The following ALK variants were observed in gnomAD, a reference collection of about 807,000 sequenced individuals.
ALK encodes the protein ALK receptor tyrosine kinase.
ALK carries 74 observed loss-of-function variants against 163.1 expected under a neutral mutation model. The ratio of observed to expected loss-of-function variants is 0.45; its 90% CI spans 0.38 to 0.55. The LOEUF (loss-of-function observed/expected upper bound fraction) is 0.55, where lower values mean the gene tolerates loss of function less well. ALK is among the 20% of genes least tolerant of loss of function. ALK has a pLI of 0.00. For synonymous variants in ALK, 960 were observed against 843.2 expected (o/e 1.14, Z -2.40); for missense variants, 2,063 against 2,105.3 (o/e 0.98, Z 0.39).
At chr2:29,441,615 C>T (rs545935225) in intron 4 of ALK, among the ~76,000 whole-genome samples, 6 of 152,278 alleles carry the variant, frequency 3.9e-5, no homozygotes, top group African/African-American at 1.4e-4. Flanking sequence ...TTTTAATAAC[C>T]AGCATGATTG....
At chr2:29,648,837 G>A (rs1182710940) in intron 3 of ALK, among the ~76,000 whole-genome samples, 1 of 152,048 alleles carries the variant, frequency 6.6e-6, no homozygotes, top group Non-Finnish European at 1.5e-5. Flanking sequence ...AACTTTTTAA[G>A]TAAGGATGCA....
chr2:29,224,416 A>G lies in ALK; in HGVS notation c.3173-888T>C, dbSNP rs538559584. Among the ~76,000 whole-genome samples the G allele has an allele frequency of 2.0e-5, 3 of 152,260 alleles. No individual in the cohort carries two copies. In the South Asian group the frequency reaches 6.2e-4, roughly 32 times the overall value. On this transcript the variant is annotated intron_variant, in intron 19 of 28. Coordinates refer to ENST00000389048, the MANE Select transcript of ALK (RefSeq NM_004304.5). ...CCACTCCCCACCCTCTAGGGTTGTC[A>G]ATGAAATGAATTCACCAACATAAAA...
intron 1 of ALK, among the ~76,000 whole-genome samples, chr2:29,863,974 A>G (rs549391459): frequency 1.3e-5 from 2 of 152,254 alleles, no homozygotes; most frequent in South Asian, 4.1e-4. Flanking sequence ...ATCTAATCCT[A>G]TCTTGACACC....
rs540311232 is a variant in ALK, at chr2:29,680,053, C to T, written c.952+14797G>A. Among the ~76,000 whole-genome samples the T allele has an allele frequency of 3.9e-5, 6 of 152,088 alleles. No individual in the cohort carries two copies. In the South Asian group the frequency reaches 1.2e-3, roughly 32 times the overall value. On this transcript the variant is annotated intron_variant, in intron 3 of 28. Coordinates refer to ENST00000389048, the MANE Select transcript of ALK (RefSeq NM_004304.5). ...TTTCATGTTTCAAATAAGAAGTCAGCCATTAATCATTTCAATATTCCCTGT... is the reference window on the plus strand; with the variant it reads ...TTTCATGTTTCAAATAAGAAGTCAGTCATTAATCATTTCAATATTCCCTGT...
At chr2:29,680,446 T>A (rs1678029831) in intron 3 of ALK, among the ~76,000 whole-genome samples, 2 of 152,150 alleles carry the variant, frequency 1.3e-5, no homozygotes, top group African/African-American at 4.8e-5. Flanking sequence ...TCTTCTGCCT[T>A]CTTAAATCTG....
At chr2:29,768,713 C>CTG (rs1553359129) in intron 1 of ALK, among the ~76,000 whole-genome samples, 11 of 142,862 alleles carry the variant, frequency 7.7e-5, no homozygotes, top group African/African-American at 2.8e-4. Flanking sequence ...TTATATATGT[C>CTG]TGTGTGTGTG....
chr2:29,297,451 T>C (rs1666227167), intron 8 of ALK, among the ~76,000 whole-genome samples: 1 of 152,204 alleles, frequency 6.6e-6, no homozygotes, highest in African/African-American at 2.4e-5. Flanking sequence ...TTTGTGACCT[T>C]GGACAAATGA....
At chr2:29,229,474 C>T (rs1316265739) in intron 15 of ALK, among the ~76,000 whole-genome samples, 2 of 152,170 alleles carry the variant, frequency 1.3e-5, no homozygotes, top group Admixed American at 6.5e-5. Flanking sequence ...AACTGCCTCC[C>T]GTCCTAACGA....
chr2:29,423,025 T>C (rs934734915), intron 4 of ALK, among the ~76,000 whole-genome samples: 11 of 152,036 alleles, frequency 7.2e-5, no homozygotes, highest in South Asian at 2.1e-4. Context: ...CTGCTCTCCA[T>C]AGTTTTAAGA....
chr2:29,693,184 G>A (rs549057678), intron 3 of ALK, among the ~76,000 whole-genome samples: 1 of 152,256 alleles, frequency 6.6e-6, no homozygotes, highest in African/African-American at 2.4e-5. Flanking sequence ...CTTTTTGGTG[G>A]TGAGAATGCA....
rs141220565 is a variant in ALK, at chr2:29,629,937, A to G, written c.952+64913T>C. On this transcript the variant is annotated intron_variant, in intron 3 of 28. Coordinates refer to ENST00000389048, the MANE Select transcript of ALK (RefSeq NM_004304.5). ...CCTAGATCTATAAAATGATGAACATATTCTTGAGGCAGTAGTCTACCCGAC... is the reference window on the plus strand; with the variant it reads ...CCTAGATCTATAAAATGATGAACATGTTCTTGAGGCAGTAGTCTACCCGAC... Among the ~76,000 whole-genome samples the G allele has an allele frequency of 2.1e-3, 327 of 152,348 alleles. 1 individual carries two copies. Among genetic ancestry groups the G allele is most frequent in the Middle Eastern group, 0.02 (6 of 294 alleles).
At chr2:29,768,713 C>CTA (rs149394341) in intron 1 of ALK, among the ~76,000 whole-genome samples, 15,624 of 142,808 alleles carry the variant, frequency 0.11, 1,461 homozygotes, top group African/African-American at 0.26. Context: ...TTATATATGT[C>CTA]TGTGTGTGTG....
intron 1 of ALK, among the ~76,000 whole-genome samples, chr2:29,740,300 G>GA (rs950555810): frequency 6.6e-6 from 1 of 151,760 alleles, no homozygotes; most frequent in African/African-American, 2.4e-5. Context: ...TTTATTCAAT[G>GA]AAAAAAAGGA....
chr2:29,854,191 T>C (rs1666080621), intron 1 of ALK, among the ~76,000 whole-genome samples: 1 of 99,538 alleles, frequency 1.0e-5, no homozygotes, highest in African/African-American at 3.5e-5. Flanking sequence ...CTAGCTACGT[T>C]AACGTTCCCT....
At chr2:29,833,805 A>T (rs1017238957) in intron 1 of ALK, among the ~76,000 whole-genome samples, 1 of 152,202 alleles carries the variant, frequency 6.6e-6, no homozygotes, top group African/African-American at 2.4e-5. Context: ...AGCATGCAGC[A>T]TCTCCTTTCT....
At position 29,660,389 on chromosome 2, in the gene ALK, G is replaced by A. The variant is rs1677313382; in HGVS notation, c.952+34461C>T. Reference sequence around the variant, plus strand: ...CAAGAAGAGTTGCCAAGACAGGTGGGCAAATATGCTGAGGTTCAGCTGCTC... The same window carrying A: ...CAAGAAGAGTTGCCAAGACAGGTGGACAAATATGCTGAGGTTCAGCTGCTC... On this transcript the variant is annotated intron_variant, in intron 3 of 28. Transcript: ENST00000389048. Among the ~76,000 whole-genome samples the A allele has an allele frequency of 2.6e-5, 4 of 152,142 alleles. No individual in the cohort carries two copies. The South Asian group carries it at 8.3e-4, about 32-fold the overall frequency.
At chr2:29,797,481 A>G (rs1450968527) in intron 1 of ALK, among the ~76,000 whole-genome samples, 2 of 152,172 alleles carry the variant, frequency 1.3e-5, no homozygotes, top group Admixed American at 6.5e-5. Flanking sequence ...TCCTTCTCCC[A>G]TCAAAGGACA....
chr2:29,431,490 A>T (rs1670271464), intron 4 of ALK, among the ~76,000 whole-genome samples: 1 of 152,214 alleles, frequency 6.6e-6, no homozygotes, highest in African/African-American at 2.4e-5. Flanking sequence ...ATAATGACTT[A>T]TTCTAGGCAC....
chr2:29,870,457 A>G (rs1039833844), intron 1 of ALK, among the ~76,000 whole-genome samples: 2 of 152,194 alleles, frequency 1.3e-5, no homozygotes, highest in Non-Finnish European at 2.9e-5. Context: ...AGTCAGCTCC[A>G]TGATCCAGTC....
Sources: allele counts gnomAD v4.1 joint callset (sites outside exome capture counted in the v4.1 genomes callset), GRCh38; gene constraint gnomAD v4.1.1; transcripts MANE v1.5; gene names NCBI Gene and HGNC (gene_info 2026-07-23, HGNC 2026-07-21).